NEDD4L: variants seen among roughly 807,000 people sequenced by gnomAD.
The protein encoded by NEDD4L is E3 ubiquitin-protein ligase NEDD4-like.
Under a neutral mutation model 148.9 loss-of-function variants are expected in NEDD4L, and 54 were observed. The ratio of observed to expected loss-of-function variants is 0.36; its 90% CI spans 0.29 to 0.45. NEDD4L has a LOEUF of 0.45. NEDD4L is among the 20% of genes least tolerant of loss of function. The pLI, the probability that NEDD4L is intolerant of heterozygous loss-of-function variation, is 1.00. For synonymous variants in NEDD4L, 433 were observed against 440.7 expected (o/e 0.98, Z 0.22); for missense variants, 856 against 1,233.8 (o/e 0.69, Z 4.59).
At chr18:58,083,774 C>T (rs112862476) in intron 1 of NEDD4L, among the ~76,000 whole-genome samples, 13,407 of 152,202 alleles carry the variant, frequency 0.088, 714 homozygotes, top group Admixed American at 0.15. Flanking sequence ...GTGGTATATC[C>T]ATACAATGAA....
chr18:58,097,276 G>A (rs1274276532), intron 1 of NEDD4L, among the ~76,000 whole-genome samples: 2 of 152,206 alleles, frequency 1.3e-5, no homozygotes, highest in African/African-American at 4.8e-5. Context: ...CATGGAGAGA[G>A]CATTCGAGTG....
intron 14 of NEDD4L, among the ~76,000 whole-genome samples, chr18:58,341,386 G>A (rs1336698451): frequency 6.6e-6 from 1 of 152,164 alleles, no homozygotes; most frequent in Non-Finnish European, 1.5e-5. Flanking sequence ...AAAATGTGAC[G>A]TGAAAGATAT....
rs11439150 is a variant in NEDD4L at position 58,306,630 on chromosome 18, C to CTT, written c.298-9341_298-9340dup. Among the ~76,000 whole-genome samples, 49 of 146,732 alleles carry CTT rather than the reference C, an allele frequency of 3.3e-4. 2 individuals are homozygous for CTT. In the South Asian group the frequency reaches 4.1e-3, roughly 12 times the overall value. ...ATGACTTTGGGCAAGTTTCTTTCTT[C>CTT]TTTTTTTTTTTTGAAATGGAATTTT... On this transcript the variant is annotated intron_variant, in intron 5 of 30. Coordinates refer to ENST00000400345, the MANE Select transcript of NEDD4L (RefSeq NM_001144967.3).
At position 58,356,476 on chromosome 18, in the gene NEDD4L, A is replaced by G. The variant is rs142050838; in HGVS notation, c.1709-718A>G. On this transcript the variant is annotated intron_variant, in intron 18 of 30. Coordinates refer to ENST00000400345, the MANE Select transcript of NEDD4L (RefSeq NM_001144967.3). ...TAATTATGCACAGTTACAAACACCA[A>G]GTGATCTAAGGCAGCTGTTGTGTAT... is the stretch of plus-strand genomic sequence containing the variant. Among the ~76,000 whole-genome samples, 13 of 152,280 alleles carry G rather than the reference A, an allele frequency of 8.5e-5. No homozygotes were observed. In the East Asian group the frequency reaches 2.3e-3, roughly 27 times the overall value.
intron 1 of NEDD4L, among the ~76,000 whole-genome samples, chr18:58,111,948 G>A (rs1402745342): frequency 1.3e-5 from 2 of 152,260 alleles, no homozygotes; most frequent in Admixed American, 1.3e-4. Context: ...TCAACAACAC[G>A]TGTTGTCTGT....
At chr18:58,084,206 A>G (rs1404353057) in intron 1 of NEDD4L, among the ~76,000 whole-genome samples, 2 of 152,218 alleles carry the variant, frequency 1.3e-5, no homozygotes, top group African/African-American at 4.8e-5. Context: ...GGAACAGGCA[A>G]ATCCACAGAG....
intron 1 of NEDD4L, among the ~76,000 whole-genome samples, chr18:58,104,898 C>T (rs1310864938): frequency 1.4e-5 from 2 of 140,406 alleles, no homozygotes; most frequent in South Asian, 2.6e-4. Flanking sequence ...ATACCCATTA[C>T]AGCACGTTGT....
chr18:58,282,026 CAA>C (rs1047979723), intron 5 of NEDD4L, among the ~76,000 whole-genome samples: 2 of 98,220 alleles, frequency 2.0e-5, no homozygotes, highest in African/African-American at 4.0e-5. Flanking sequence ...CTCCGTCTCA[CAA>C]AAAAAAAAAG....
chr18:58,376,602 A>C, intron 24 of NEDD4L, among the ~76,000 whole-genome samples: 1 of 151,950 alleles, frequency 6.6e-6, no homozygotes, highest in South Asian at 2.1e-4. Context: ...CTCTTCTCTC[A>C]CTCACACCCA....
chr18:58,231,148 G>T (rs116779325), intron 2 of NEDD4L, among the ~76,000 whole-genome samples: 3 of 151,344 alleles, frequency 2.0e-5, no homozygotes, highest in African/African-American at 7.3e-5. Flanking sequence ...ACTCACAGGG[G>T]CTGAGGTGGG....
intron 2 of NEDD4L, among the ~76,000 whole-genome samples, chr18:58,179,463 T>A (rs1226592144): frequency 6.6e-6 from 1 of 152,106 alleles, no homozygotes; most frequent in Non-Finnish European, 1.5e-5. Flanking sequence ...TGGCTTTCAG[T>A]GTTTGTGTAG....
intron 1 of NEDD4L, among the ~76,000 whole-genome samples, chr18:58,049,843 G>A (rs527705407): frequency 6.6e-6 from 1 of 151,776 alleles, no homozygotes; most frequent in South Asian, 2.1e-4. Context: ...CAAACATGGC[G>A]GCACGTGCCT....
At chr18:58,184,857 G>A (rs907726511) in intron 2 of NEDD4L, among the ~76,000 whole-genome samples, 1 of 152,070 alleles carries the variant, frequency 6.6e-6, no homozygotes, top group African/African-American at 2.4e-5. Context: ...GAACGCAGGA[G>A]GTGGAGCTTG....
chr18:58,151,657 G>GTGTGTGTGTGTGTGTGTGTA (rs2034779515), intron 1 of NEDD4L, among the ~76,000 whole-genome samples: 1 of 151,876 alleles, frequency 6.6e-6, no homozygotes, highest in Non-Finnish European at 1.5e-5. Flanking sequence ...GTGTGTGTGT[G>GTGTGTGTGTGTGTGTGTGTA]TTGGCTGGAG....
intron 30 of NEDD4L, among the ~76,000 whole-genome samples, chr18:58,393,933 A>G (rs1407293411): frequency 6.6e-6 from 1 of 152,234 alleles, no homozygotes; most frequent in Non-Finnish European, 1.5e-5. Flanking sequence ...GTTCTATAAA[A>G]GGTCACTACT....
intron 2 of NEDD4L, among the ~76,000 whole-genome samples, chr18:58,236,366 AG>A (rs1163303633): frequency 6.6e-6 from 1 of 152,052 alleles, no homozygotes; most frequent in African/African-American, 2.4e-5. Flanking sequence ...CAAAAAAAAA[AG>A]AAAAAAAAAT....
intron 1 of NEDD4L, among the ~76,000 whole-genome samples, chr18:58,087,366 C>T (rs1599173542): frequency 6.6e-6 from 1 of 152,242 alleles, no homozygotes; most frequent in East Asian, 1.9e-4. Context: ...CCTCCAGGTT[C>T]TAGCTTTTCC....
intron 1 of NEDD4L, among the ~76,000 whole-genome samples, chr18:58,062,815 C>T (rs904272913): frequency 1.3e-5 from 2 of 151,952 alleles, no homozygotes; most frequent in Admixed American, 6.6e-5. Flanking sequence ...GGTGAAACCC[C>T]GTCTCTGCTA....
chr18:58,302,940 T>G (rs569625660), intron 5 of NEDD4L, among the ~76,000 whole-genome samples: 29 of 152,342 alleles, frequency 1.9e-4, no homozygotes, highest in African/African-American at 6.7e-4. Flanking sequence ...TTCTACCTTG[T>G]AGTCGTCAGT....
Sources: gnomAD v4.1 joint callset for allele counts (sites outside exome capture counted in the v4.1 genomes callset) on GRCh38, gnomAD v4.1.1 for gene constraint, MANE v1.5 for transcripts, NCBI Gene and HGNC (gene_info 2026-07-23, HGNC 2026-07-21) for gene names.